The following DLG2 variants were observed in gnomAD, a reference collection of about 807,000 sequenced individuals.
The protein encoded by DLG2 is discs large MAGUK scaffold protein 2.
A neutral mutation model predicts 132.5 loss-of-function variants in DLG2; 45 were observed. That is an observed-to-expected ratio of 0.34 (90% CI 0.27 to 0.44). The LOEUF (loss-of-function observed/expected upper bound fraction) is 0.44. DLG2 is among the 20% of genes least tolerant of loss of function. The pLI is 1.00. For missense variants in DLG2, 1,045 were observed against 1,196.9 expected (o/e 0.87, Z 1.87); for synonymous variants, 424 against 419.6 (o/e 1.01, Z -0.13).
chr11:84,608,664 T>C (rs1216320742), intron 6 of DLG2, among the ~76,000 whole-genome samples: 1 of 152,136 alleles, frequency 6.6e-6, no homozygotes, highest in Non-Finnish European at 1.5e-5. Context: ...GCATCCATAG[T>C]GAGTAGGGCC....
chr11:84,276,287 T>C (rs2154367474), intron 7 of DLG2, among the ~76,000 whole-genome samples: 1 of 152,342 alleles, frequency 6.6e-6, no homozygotes, highest in Non-Finnish European at 1.5e-5. Flanking sequence ...ATCATTTAGG[T>C]TATATTACTT....
intron 3 of DLG2, among the ~76,000 whole-genome samples, chr11:85,332,344 G>A (rs557419619): frequency 3.3e-5 from 5 of 152,160 alleles, no homozygotes; most frequent in Admixed American, 3.3e-4. Flanking sequence ...TGTTCAAGTT[G>A]TTTATAGATC....
chr11:85,100,661 A>G (rs2070718449), intron 6 of DLG2, among the ~76,000 whole-genome samples: 1 of 152,130 alleles, frequency 6.6e-6, no homozygotes, highest in Non-Finnish European at 1.5e-5. Flanking sequence ...CCTTGCACAT[A>G]TTACCAGGGA....
chr11:84,699,172 A>T (rs1036756306), intron 6 of DLG2, among the ~76,000 whole-genome samples: 4 of 151,528 alleles, frequency 2.6e-5, no homozygotes. Context: ...AAATGGATAG[A>T]ATTTGTAGCC....
At chr11:85,457,701 T>C (rs1158437774) in intron 3 of DLG2, among the ~76,000 whole-genome samples, 2 of 152,186 alleles carry the variant, frequency 1.3e-5, no homozygotes, top group Non-Finnish European at 2.9e-5. Context: ...GAAGTTTAGT[T>C]TGTCTGGATA....
chr11:84,163,985 C>A (rs1368147767), intron 8 of DLG2, among the ~76,000 whole-genome samples: 1 of 151,920 alleles, frequency 6.6e-6, no homozygotes, highest in Non-Finnish European at 1.5e-5. Flanking sequence ...TGAGAAATAC[C>A]TTTTCTTTAG....
At chr11:83,538,520 C>T (rs2095959360) in intron 20 of DLG2, among the ~76,000 whole-genome samples, 1 of 152,160 alleles carries the variant, frequency 6.6e-6, no homozygotes, top group African/African-American at 2.4e-5. Context: ...GTAGTTTGTT[C>T]CTGGTGTAGT....
At chr11:85,067,613 A>G (rs1273687899) in intron 6 of DLG2, among the ~76,000 whole-genome samples, 1 of 151,946 alleles carries the variant, frequency 6.6e-6, no homozygotes, top group African/African-American at 2.4e-5. Flanking sequence ...GAATAGACCA[A>G]TAAGAGGCTC....
chr11:84,480,966 TTACCTCAGGTGGTCTG>T (rs2099135798), intron 7 of DLG2, among the ~76,000 whole-genome samples: 1 of 152,026 alleles, frequency 6.6e-6, no homozygotes. Context: ...CTGGAACTCC[TTACCTCAGGTGGTCTG>T]CCCACCTCGG....
At chr11:85,456,052 A>T (rs2153049053) in intron 3 of DLG2, among the ~76,000 whole-genome samples, 1 of 152,254 alleles carries the variant, frequency 6.6e-6, no homozygotes, top group Middle Eastern at 3.4e-3. Context: ...TAGGAGTGGT[A>T]CTAGCTCTTC....
At chr11:83,508,339 C>T (rs560083507) in intron 21 of DLG2, among the ~76,000 whole-genome samples, 4 of 150,902 alleles carry the variant, frequency 2.7e-5, no homozygotes, top group Admixed American at 2.0e-4. Context: ...CGGGTTCACG[C>T]CATTCTTCTG....
At chr11:83,461,041 C>T (rs546836115) in intron 27 of DLG2, among the ~76,000 whole-genome samples, 2 of 143,844 alleles carry the variant, frequency 1.4e-5, no homozygotes, top group Admixed American at 6.9e-5. Flanking sequence ...AGAATTTCAC[C>T]CTTGTTGCCC....
At chr11:84,369,319 T>C (rs961964092) in intron 7 of DLG2, among the ~76,000 whole-genome samples, 3 of 152,120 alleles carry the variant, frequency 2.0e-5, no homozygotes, top group Non-Finnish European at 2.9e-5. Flanking sequence ...TGCTACTCTG[T>C]CTCTTCAAAA....
At chr11:84,966,528 G>A (rs1375906066) in intron 6 of DLG2, among the ~76,000 whole-genome samples, 2 of 152,102 alleles carry the variant, frequency 1.3e-5, no homozygotes, top group African/African-American at 4.8e-5. Flanking sequence ...ATTGGAAGAC[G>A]AATCTACTGG....
chr11:84,688,653 T>C (rs182190050), intron 6 of DLG2, among the ~76,000 whole-genome samples: 42 of 152,310 alleles, frequency 2.8e-4, no homozygotes, highest in African/African-American at 1.0e-3. Flanking sequence ...GTGTATACTA[T>C]ACACTTAAAA....
chr11:83,533,619 G>C (rs935559196), intron 20 of DLG2, among the ~76,000 whole-genome samples: 1 of 152,104 alleles, frequency 6.6e-6, no homozygotes, highest in Admixed American at 6.6e-5. Context: ...TGTCAGTAGG[G>C]AAATTTCAGG....
intron 3 of DLG2, among the ~76,000 whole-genome samples, chr11:85,501,246 T>C (rs1413459912): frequency 2.0e-5 from 3 of 152,184 alleles, no homozygotes; most frequent in Non-Finnish European, 4.4e-5. Context: ...ACCCCTTCCT[T>C]ACACCTTATA....
chr11:83,486,174 T>C, intron 21 of DLG2: 1 of 670,112 alleles, frequency 1.5e-6, no homozygotes, highest in East Asian at 2.7e-5. Context: ...TGATAGTCCT[T>C]AAAAGAATAC....
At chr11:84,236,887 C>A (rs1006890484) in intron 8 of DLG2, among the ~76,000 whole-genome samples, 13 of 151,502 alleles carry the variant, frequency 8.6e-5, no homozygotes, top group African/African-American at 3.2e-4. Context: ...ACCCATTAAA[C>A]AGGAATCTTT....
Sources: gnomAD v4.1 joint callset for allele counts (sites outside exome capture counted in the v4.1 genomes callset) on GRCh38, gnomAD v4.1.1 for gene constraint, MANE v1.5 for transcripts, NCBI Gene and HGNC (gene_info 2026-07-23, HGNC 2026-07-21) for gene names.